PBX1: variants seen among roughly 807,000 people sequenced by gnomAD.
PBX1 encodes pre-B-cell leukemia transcription factor 1.
In PBX1, 6 loss-of-function variants were observed where a neutral mutation model predicts 53.4. The observed-to-expected ratio is 0.11, with a 90% CI of 0.06 to 0.22. PBX1 has a LOEUF of 0.22. PBX1 is among the 10% of genes least tolerant of loss of function. PBX1 has a pLI of 1.00. For missense variants in PBX1, 251 were observed against 551.4 expected (o/e 0.46, Z 5.46); for synonymous variants, 204 against 212.3 (o/e 0.96, Z 0.34).
At chr1:164,588,220 G>A (rs531738757) in intron 2 of PBX1, among the ~76,000 whole-genome samples, 2 of 152,262 alleles carry the variant, frequency 1.3e-5, no homozygotes, top group South Asian at 4.2e-4. Context: ...AGATACACCC[G>A]CCTGTAGAGC....
chr1:164,839,075 TG>T (rs1293540927), intron 8 of PBX1, among the ~76,000 whole-genome samples: 1 of 152,214 alleles, frequency 6.6e-6, no homozygotes, highest in Non-Finnish European at 1.5e-5. Flanking sequence ...TGGCCTTCTT[TG>T]AGTCCCTTGG....
intron 2 of PBX1, chr1:164,771,273 G>C (rs1396366361): frequency 6.6e-6 from 1 of 152,150 alleles, no homozygotes; most frequent in Non-Finnish European, 1.5e-5. Flanking sequence ...CCTCGAGGGT[G>C]TGTGTTGGGA....
chr1:164,688,628 A>C (rs1181042955), intron 2 of PBX1, among the ~76,000 whole-genome samples: 1 of 152,040 alleles, frequency 6.6e-6, no homozygotes, highest in Non-Finnish European at 1.5e-5. Context: ...CAGGGCCATG[A>C]CCTCTTACAC....
rs569314535 is a variant in PBX1, at chr1:164,861,509, C to T, written n.257+30026C>T. Among the ~76,000 whole-genome samples the T allele has an allele frequency of 3.9e-5, 6 of 152,148 alleles. No homozygotes were observed. In the East Asian group the frequency reaches 7.7e-4, roughly 20 times the overall value. On this transcript the variant is annotated intron_variant and non_coding_transcript_variant, in intron 2 of 2. Coordinates refer to the PBX1 transcript ENST00000558796. ...AAATATTGAACAAATACCTCCCCAC[C>T]GCTCCACCGTGTGCCAGGCACTAGA...
chr1:164,727,260 C>T (rs1664747053), intron 2 of PBX1, among the ~76,000 whole-genome samples: 1 of 152,154 alleles, frequency 6.6e-6, no homozygotes, highest in Non-Finnish European at 1.5e-5. Flanking sequence ...GCCTTATGAT[C>T]TAAGAAAATC....
At chr1:164,796,032 T>C (rs964937230) in intron 3 of PBX1, among the ~76,000 whole-genome samples, 1 of 151,904 alleles carries the variant, frequency 6.6e-6, no homozygotes, top group African/African-American at 2.4e-5. Flanking sequence ...TTTTTTTTTT[T>C]TTTGAGATGG....
intron 8 of PBX1, among the ~76,000 whole-genome samples, chr1:164,841,656 A>G (rs144239415): frequency 3.9e-4 from 59 of 152,282 alleles, no homozygotes; most frequent in African/African-American, 1.4e-3. Flanking sequence ...GAAAGTGTTA[A>G]GCATATCAGG....
At chr1:164,695,814 G>C (rs968260100) in intron 2 of PBX1, among the ~76,000 whole-genome samples, 7 of 152,186 alleles carry the variant, frequency 4.6e-5, no homozygotes, top group Non-Finnish European at 1.0e-4. Context: ...GAGAGCCCTG[G>C]ACAGGGAGTT....
At chr1:164,650,290 G>A (rs1490139542) in intron 2 of PBX1, among the ~76,000 whole-genome samples, 5 of 150,746 alleles carry the variant, frequency 3.3e-5, no homozygotes, top group Non-Finnish European at 7.4e-5. Flanking sequence ...GGGCACTGGC[G>A]TGATCTTGGC....
At chr1:164,591,375 T>G (rs1158259953) in intron 2 of PBX1, among the ~76,000 whole-genome samples, 1 of 152,218 alleles carries the variant, frequency 6.6e-6, no homozygotes, top group East Asian at 1.9e-4. Context: ...AGGGAAAACC[T>G]TATTAATTAA....
At chr1:164,667,282 A>G (rs1660858957) in intron 2 of PBX1, among the ~76,000 whole-genome samples, 1 of 152,132 alleles carries the variant, frequency 6.6e-6, no homozygotes, top group Non-Finnish European at 1.5e-5. Context: ...AAAACAATGC[A>G]AGGACCTTTT....
chr1:164,637,023 C>T (rs1330318674), intron 2 of PBX1, among the ~76,000 whole-genome samples: 7 of 152,096 alleles, frequency 4.6e-5, no homozygotes, highest in Admixed American at 1.3e-4. Context: ...AACAAAACTC[C>T]GCCAACAGGA....
At chr1:164,859,019 G>A (rs946280514) in intron 2 of PBX1, among the ~76,000 whole-genome samples, 1 of 152,172 alleles carries the variant, frequency 6.6e-6, no homozygotes, top group African/African-American at 2.4e-5. Flanking sequence ...TGGCTTATTT[G>A]CAAGTCTGCC....
intron 2 of PBX1, among the ~76,000 whole-genome samples, chr1:164,766,337 G>C (rs996853742): frequency 6.6e-6 from 1 of 152,200 alleles, no homozygotes; most frequent in East Asian, 1.9e-4. Context: ...AGTAACATCT[G>C]CCTGGCACTT....
In PBX1 at chr1:164,758,665, A is replaced by G. The variant is rs137909120; in HGVS notation, c.266-33829A>G. On this transcript the variant is annotated intron_variant, in intron 2 of 8. Coordinates refer to ENST00000420696, the MANE Select transcript of PBX1 (RefSeq NM_002585.4). ...AGACTGCAAATTACCATCTAAAAGT[A>G]TACTTGGCCCCTTCAAAGTATGAGA... Among the ~76,000 whole-genome samples, 1,602 of 151,938 alleles carry G rather than the reference A, an allele frequency of 0.011. 25 individuals carry two copies. In the Middle Eastern group the frequency reaches 0.12, roughly 11 times the overall value.
At position 164,634,271 on chromosome 1, in the gene PBX1, G is replaced by A. The variant is rs543486518; in HGVS notation, c.265+70960G>A. Among the ~76,000 whole-genome samples, 15 of 152,286 alleles carry A rather than the reference G, an allele frequency of 9.8e-5. No individual in the cohort carries two copies. The East Asian group carries it at 2.3e-3, about 24-fold the overall frequency. On this transcript the variant is annotated intron_variant, in intron 2 of 8. Coordinates refer to ENST00000420696, the MANE Select transcript of PBX1 (RefSeq NM_002585.4). ...TGAGGGATGTGGCCAGGTGAGTTTC[G>A]AAGGTCGAGATTAGTGCCGTTGACC...
At chr1:164,718,441 G>A (rs545314433) in intron 2 of PBX1, among the ~76,000 whole-genome samples, 3 of 152,294 alleles carry the variant, frequency 2.0e-5, no homozygotes, top group South Asian at 4.1e-4. Context: ...ACTAATGGGC[G>A]TTGTTCCCAT....
intron 2 of PBX1, among the ~76,000 whole-genome samples, chr1:164,646,049 G>C (rs983015017): frequency 1.3e-5 from 2 of 152,026 alleles, no homozygotes; most frequent in Non-Finnish European, 2.9e-5. Context: ...AAATTATAAG[G>C]GCCAAACAAA....
intron 2 of PBX1, among the ~76,000 whole-genome samples, chr1:164,647,926 T>C (rs1404823533): frequency 6.6e-6 from 1 of 151,836 alleles, no homozygotes; most frequent in Non-Finnish European, 1.5e-5. Context: ...GCCATTCTCC[T>C]GCCTCAGCCT....
Sources: allele counts gnomAD v4.1 joint callset (sites outside exome capture counted in the v4.1 genomes callset), GRCh38; gene constraint gnomAD v4.1.1; transcripts MANE v1.5; gene names NCBI Gene and HGNC (gene_info 2026-07-23, HGNC 2026-07-21).